Variants in CADM2 observed in about 807,000 individuals in gnomAD.
CADM2 encodes cell adhesion molecule 2.
Under a neutral mutation model 49.8 loss-of-function variants are expected in CADM2, and 12 were observed. The observed-to-expected ratio is 0.24, with a 90% CI of 0.15 to 0.39. CADM2 has a LOEUF of 0.39. CADM2 is among the 10% of genes least tolerant of loss of function. The pLI is 1.00. For missense variants in CADM2, 378 were observed against 492.3 expected (o/e 0.77, Z 2.20); for synonymous variants, 214 against 175.4 (o/e 1.22, Z -1.74).
intron 1 of CADM2, among the ~76,000 whole-genome samples, chr3:85,356,805 G>T (rs1328341122): frequency 6.6e-6 from 1 of 152,044 alleles, no homozygotes; most frequent in Non-Finnish European, 1.5e-5. Context: ...GAGCTGTAAA[G>T]CAGCACCTGG....
At chr3:85,886,366 G>T in intron 5 of CADM2, 39 bp downstream of exon 5, 1 of 1,479,030 alleles carries the variant, frequency 6.8e-7, no homozygotes, top group Non-Finnish European at 9.4e-7. Flanking sequence ...TTAATGTGCT[G>T]AAACCAGTAT....
chr3:85,048,578 T>C (rs1413393799), intron 1 of CADM2, among the ~76,000 whole-genome samples: 1 of 152,156 alleles, frequency 6.6e-6, no homozygotes, highest in East Asian at 1.9e-4. Flanking sequence ...CCCTTAGGAC[T>C]TAAATTAGGA....
intron 1 of CADM2, among the ~76,000 whole-genome samples, chr3:85,239,828 AG>A (rs1429305363): frequency 6.6e-6 from 1 of 151,396 alleles, no homozygotes; most frequent in East Asian, 1.9e-4. Context: ...AATGTCAGGA[AG>A]GTATTTATTA....
intron 1 of CADM2, among the ~76,000 whole-genome samples, chr3:85,241,743 A>G (rs2042535292): frequency 6.6e-6 from 1 of 151,578 alleles, no homozygotes; most frequent in South Asian, 2.1e-4. Flanking sequence ...TTCAATTTAT[A>G]TGTATTTCAA....
At position 85,367,812 on chromosome 3, in the gene CADM2, CAT is replaced by C. The variant is rs35671730; in HGVS notation, c.62-358698_62-358697del. On this transcript the variant is annotated intron_variant, in intron 1 of 9. Transcript: ENST00000383699. ...CATCATGTGTTCAAAGTTTCTAGTA[CAT>C]ATATATATATACATATATATGTGTG... 4.0e-3 allele frequency among the ~76,000 whole-genome samples: 480 copies of C among 119,888 alleles called. 1 individual carries two copies. The highest frequency in any genetic ancestry group is 0.017 in the Middle Eastern group (4 of 230). 78.7% of individuals were successfully genotyped at this position (119,888 alleles called of 152,430 possible). A position where few individuals can be genotyped will look rare whatever the true frequency, so the allele number is the denominator to read the frequency against.
At chr3:85,388,354 CA>C (rs1383764231) in intron 1 of CADM2, among the ~76,000 whole-genome samples, 1 of 152,154 alleles carries the variant, frequency 6.6e-6, no homozygotes, top group Non-Finnish European at 1.5e-5. Context: ...GGATTCGTCA[CA>C]ATAATATGTT....
chr3:85,474,303 C>T (rs112097487), intron 1 of CADM2, among the ~76,000 whole-genome samples: 9 of 151,770 alleles, frequency 5.9e-5, no homozygotes, highest in South Asian at 4.2e-4. Flanking sequence ...AGTTGGAGTC[C>T]GAAGAGAGTC....
At chr3:85,042,573 C>T (rs999884918) in intron 1 of CADM2, among the ~76,000 whole-genome samples, 2 of 151,882 alleles carry the variant, frequency 1.3e-5, no homozygotes, top group African/African-American at 2.4e-5. Context: ...CATTTCTTTT[C>T]CATGTCTATC....
chr3:85,619,910 A>G (rs570866879), intron 1 of CADM2, among the ~76,000 whole-genome samples: 6 of 152,340 alleles, frequency 3.9e-5, no homozygotes, highest in African/African-American at 1.4e-4. Flanking sequence ...AGCCTGTCAG[A>G]AGTTCTAAGG....
intron 1 of CADM2, among the ~76,000 whole-genome samples, chr3:85,314,583 A>G (rs2044422172): frequency 6.6e-6 from 1 of 152,182 alleles, no homozygotes; most frequent in Non-Finnish European, 1.5e-5. Context: ...AATCTGATAA[A>G]TGCTCATTCT....
chr3:85,024,282 G>A (rs1243997206), intron 1 of CADM2, among the ~76,000 whole-genome samples: 1 of 152,082 alleles, frequency 6.6e-6, no homozygotes, highest in Non-Finnish European at 1.5e-5. Context: ...TATATTCTTT[G>A]AGGTAAGTAA....
chr3:85,601,692 T>C (rs1472581448), intron 1 of CADM2, among the ~76,000 whole-genome samples: 1 of 151,492 alleles, frequency 6.6e-6, no homozygotes, highest in Non-Finnish European at 1.5e-5. Flanking sequence ...GTTTGTTTCT[T>C]TTTTTTTCCT....
chr3:85,131,152 C>A (rs1245525909), intron 1 of CADM2, among the ~76,000 whole-genome samples: 1 of 151,912 alleles, frequency 6.6e-6, no homozygotes, highest in Non-Finnish European at 1.5e-5. Context: ...GCACTCCAGC[C>A]TGGGCAACAA....
At chr3:85,592,686 A>G (rs1365699945) in intron 1 of CADM2, among the ~76,000 whole-genome samples, 1 of 150,720 alleles carries the variant, frequency 6.6e-6, no homozygotes, top group African/African-American at 2.4e-5. Context: ...CCTCAATGAT[A>G]AATTTTTGAG....
At chr3:84,960,573 C>T (rs552079548) in intron 1 of CADM2, 2 of 152,104 alleles carry the variant, frequency 1.3e-5, no homozygotes, top group South Asian at 2.1e-4. Flanking sequence ...TCTCCATCCT[C>T]TCTCTGCCGC....
At chr3:85,695,752 T>C (rs1273766308) in intron 1 of CADM2, among the ~76,000 whole-genome samples, 1 of 152,022 alleles carries the variant, frequency 6.6e-6, no homozygotes. Flanking sequence ...TGTAATGACT[T>C]TTTTCACTTT....
intron 1 of CADM2, among the ~76,000 whole-genome samples, chr3:85,506,572 TA>T (rs1274949949): frequency 6.6e-6 from 1 of 152,102 alleles, no homozygotes; most frequent in Admixed American, 6.5e-5. Flanking sequence ...ATTTTTTTTT[TA>T]TTTTTTTAAG....
intron 5 of CADM2, among the ~76,000 whole-genome samples, chr3:85,892,203 G>A (rs1272630850): frequency 1.3e-5 from 2 of 152,188 alleles, no homozygotes; most frequent in Non-Finnish European, 2.9e-5. Flanking sequence ...AAATGGTTCT[G>A]AAAGAGAAGA....
intron 8 of CADM2, among the ~76,000 whole-genome samples, chr3:86,004,011 G>A (rs533851260): frequency 1.3e-5 from 2 of 152,014 alleles, no homozygotes; most frequent in Middle Eastern, 3.4e-3. Flanking sequence ...ATAAAGTCTG[G>A]GCCACATGCA....
Sources: gnomAD v4.1 joint callset for allele counts (sites outside exome capture counted in the v4.1 genomes callset) on GRCh38, gnomAD v4.1.1 for gene constraint, MANE v1.5 for transcripts, NCBI Gene and HGNC (gene_info 2026-07-23, HGNC 2026-07-21) for gene names.